Variants in CHCHD6 observed in about 807,000 individuals in gnomAD.
CHCHD6 encodes MICOS complex subunit MIC25.
A neutral mutation model predicts 32.3 loss-of-function variants in CHCHD6; 28 were observed. The observed-to-expected ratio is 0.87, with a 90% CI of 0.64 to 1.19. The LOEUF (loss-of-function observed/expected upper bound fraction) is 1.19, where lower values mean the gene tolerates loss of function less well. Among genes scored for constraint, CHCHD6 ranks in the 50% most tolerant of loss-of-function variants. CHCHD6 has a pLI of 0.00. For missense variants in CHCHD6, 333 were observed against 307.0 expected, an observed-to-expected ratio of 1.08 and a Z score of -0.63; for synonymous variants, 122 against 117.5, an observed-to-expected ratio of 1.04 and a Z score of -0.25.
chr3:126,843,599 T>C (rs1379320269), intron 4 of CHCHD6, among the ~76,000 whole-genome samples: 1 of 152,226 alleles, frequency 6.6e-6, no homozygotes, highest in Non-Finnish European at 1.5e-5. Flanking sequence ...ATTCATCACA[T>C]TGTGTATATT....
intron 4 of CHCHD6, among the ~76,000 whole-genome samples, chr3:126,743,077 G>T (rs751324287): frequency 1.3e-5 from 2 of 152,054 alleles, no homozygotes; most frequent in African/African-American, 4.8e-5. Flanking sequence ...AAGGTGAAAC[G>T]CAGTCTCTAG....
chr3:126,742,834 C>G (rs2885544), intron 4 of CHCHD6, among the ~76,000 whole-genome samples: 38,528 of 152,042 alleles, frequency 0.25, 6,321 homozygotes, highest in East Asian at 0.61. Context: ...TATCAATGAC[C>G]CAGTTTCAGA....
At chr3:126,760,955 T>G (rs1937140017) in intron 4 of CHCHD6, among the ~76,000 whole-genome samples, 1 of 152,216 alleles carries the variant, frequency 6.6e-6, no homozygotes, top group Non-Finnish European at 1.5e-5. Flanking sequence ...TGCCTCAGCC[T>G]CCTGAGTAGC....
chr3:126,737,359 A>C (rs762049630), intron 4 of CHCHD6, among the ~76,000 whole-genome samples: 4 of 146,998 alleles, frequency 2.7e-5, no homozygotes, highest in Non-Finnish European at 4.5e-5. Context: ...TTTGTTGCTG[A>C]GCAATTCTTT....
intron 4 of CHCHD6, among the ~76,000 whole-genome samples, chr3:126,820,533 C>T (rs950934320): frequency 1.3e-5 from 2 of 152,260 alleles, no homozygotes; most frequent in Middle Eastern, 3.4e-3. Flanking sequence ...TGAGGTTCAC[C>T]CATGTATTTA....
intron 4 of CHCHD6, among the ~76,000 whole-genome samples, chr3:126,836,831 T>A (rs1374157549): frequency 6.6e-6 from 1 of 152,206 alleles, no homozygotes; most frequent in Non-Finnish European, 1.5e-5. Flanking sequence ...TCATGGCACA[T>A]GCCCAGGAAG....
intron 1 of CHCHD6, among the ~76,000 whole-genome samples, chr3:126,725,571 A>G (rs1484590036): frequency 2.0e-5 from 3 of 152,204 alleles, no homozygotes; most frequent in African/African-American, 7.2e-5. Context: ...CTAACAAGAG[A>G]GTCAGCCTGT....
At chr3:126,805,065 A>G (rs1302277822) in intron 4 of CHCHD6, among the ~76,000 whole-genome samples, 4 of 152,112 alleles carry the variant, frequency 2.6e-5, no homozygotes, top group African/African-American at 4.8e-5. Context: ...ATAATACGAG[A>G]TATTTATGAC....
intron 6 of CHCHD6, among the ~76,000 whole-genome samples, chr3:126,950,202 G>A (rs1337983356): frequency 2.0e-5 from 3 of 152,182 alleles, no homozygotes; most frequent in African/African-American, 7.2e-5. Context: ...ATTGAGGGAA[G>A]GGAAGGCTTC....
chr3:126,865,994 G>T (rs542894223), intron 5 of CHCHD6, among the ~76,000 whole-genome samples: 100 of 152,230 alleles, frequency 6.6e-4, no homozygotes, highest in Middle Eastern at 3.4e-3. Flanking sequence ...TGTCAGTTAG[G>T]TTTCCTGATG....
intron 4 of CHCHD6, among the ~76,000 whole-genome samples, chr3:126,758,905 T>G (rs762320044): frequency 4.7e-4 from 72 of 152,210 alleles, no homozygotes; most frequent in South Asian, 8.3e-4. Context: ...TGACTGGTGT[T>G]CAATAAAGAG....
In CHCHD6 at chr3:126,704,253, C is replaced by T. The variant is rs997013602; in HGVS notation, c.-60C>T. On this transcript the variant is annotated 5_prime_UTR_variant, in exon 1 of 8. Coordinates refer to ENST00000290913, the MANE Select transcript of CHCHD6 (RefSeq NM_032343.3). ...CGCGAGTCCTGGAAAGCGTTGTTGG[C>T]CCGGTTGCTCTGGAGCCGGGTCTCG... 6 of 1,397,502 alleles carry T rather than the reference C, an allele frequency of 4.3e-6. No homozygotes were observed. Among genetic ancestry groups the T allele is most frequent in the African/African-American group, 4.2e-5 (3 of 70,746 alleles). 86.6% of individuals were successfully genotyped at this position (1,397,502 alleles called of 1,614,324 possible).
intron 4 of CHCHD6, among the ~76,000 whole-genome samples, chr3:126,803,802 C>T (rs1487867266): frequency 6.6e-6 from 1 of 152,162 alleles, no homozygotes; most frequent in East Asian, 1.9e-4. Context: ...AAATTGACCA[C>T]ATAGTTGGAA....
intron 4 of CHCHD6, among the ~76,000 whole-genome samples, chr3:126,831,843 G>A (rs1940657707): frequency 6.6e-6 from 1 of 152,212 alleles, no homozygotes; most frequent in Admixed American, 6.5e-5. Flanking sequence ...CAGATGAGAA[G>A]ATCGTTGGTC....
chr3:126,897,315 G>A (rs967118007), intron 5 of CHCHD6, among the ~76,000 whole-genome samples: 1 of 152,150 alleles, frequency 6.6e-6, no homozygotes, highest in African/African-American at 2.4e-5. Flanking sequence ...AGCATGCCAT[G>A]GTATCAATAG....
intron 1 of CHCHD6, among the ~76,000 whole-genome samples, chr3:126,721,321 G>C (rs182036513): frequency 6.6e-6 from 1 of 152,174 alleles, no homozygotes; most frequent in Admixed American, 6.5e-5. Flanking sequence ...GCAGGCGCAC[G>C]GTCTCTTCCT....
intron 5 of CHCHD6, among the ~76,000 whole-genome samples, chr3:126,912,814 G>A (rs774896382): frequency 1.3e-5 from 2 of 152,220 alleles, no homozygotes; most frequent in Non-Finnish European, 2.9e-5. Context: ...GAGTCCTTGG[G>A]GTAAGACTAG....
chr3:126,756,029 T>C (rs1936944004), intron 4 of CHCHD6, among the ~76,000 whole-genome samples: 1 of 152,146 alleles, frequency 6.6e-6, no homozygotes, highest in African/African-American at 2.4e-5. Context: ...GGCCGTGCAG[T>C]GGGTCTGTGC....
chr3:126,959,077 C>T (rs2078826010), intron 7 of CHCHD6, among the ~76,000 whole-genome samples: 1 of 152,220 alleles, frequency 6.6e-6, no homozygotes. Context: ...TAGTTTTCAG[C>T]CCCTACCCAC....
Sources: gnomAD v4.1 joint callset for allele counts (sites outside exome capture counted in the v4.1 genomes callset) on GRCh38, gnomAD v4.1.1 for gene constraint, MANE v1.5 for transcripts, NCBI Gene and HGNC (gene_info 2026-07-23, HGNC 2026-07-21) for gene names.